Variants in GALNT13 observed in about 807,000 individuals in gnomAD.
GALNT13 encodes UDP-GalNAc:polypeptide N-acetylgalactosaminyltransferase 13.
A neutral mutation model predicts 64.2 loss-of-function variants in GALNT13; 28 were observed. The ratio of observed to expected loss-of-function variants is 0.44; its 90% CI spans 0.32 to 0.60. The LOEUF is 0.60. Among genes scored for constraint, GALNT13 ranks in the 20% least tolerant of loss-of-function variants. The pLI is 0.05. For synonymous variants in GALNT13, 214 were observed against 224.6 expected (o/e 0.95, Z 0.42); for missense variants, 577 against 669.8 (o/e 0.86, Z 1.53).
Position 154,256,207 on chromosome 2 carries a change from C to T in GALNT13, c.858-2814C>T, listed in dbSNP as rs181822631. Among the ~76,000 whole-genome samples the T allele has an allele frequency of 3.3e-5, 5 of 151,438 alleles. No homozygotes were observed. The East Asian group carries it at 9.7e-4, about 29-fold the overall frequency. ...TATTACTTTCCCAGTGTCTTAATAG[C>T]AGAAGTAAATGAAGTGAAAGGTAGA... On this transcript the variant is annotated intron_variant, in intron 7 of 12. Coordinates refer to ENST00000392825, the MANE Select transcript of GALNT13 (RefSeq NM_052917.4).
chr2:153,653,393 T>TC, the GALNT13 span, among the ~76,000 whole-genome samples: 82 of 152,322 alleles, frequency 5.4e-4, no homozygotes, highest in Admixed American at 1.8e-3. Context: ...GGCATGGGCT[T>TC]CCCTGGGAAA....
At chr2:153,631,055 G>T in the GALNT13 span, among the ~76,000 whole-genome samples, 5 of 151,526 alleles carry the variant, frequency 3.3e-5, no homozygotes, top group Admixed American at 3.3e-4. Context: ...GTGAGAATAT[G>T]CAGTGTTTGG....
chr2:153,850,957 C>T, the GALNT13 span, among the ~76,000 whole-genome samples: 1 of 152,100 alleles, frequency 6.6e-6, no homozygotes, highest in East Asian at 1.9e-4. Flanking sequence ...GGTTTCAACA[C>T]CCTTTTTTTC....
chr2:153,997,619 A>G (rs1695607882), intron 3 of GALNT13, among the ~76,000 whole-genome samples: 1 of 152,112 alleles, frequency 6.6e-6, no homozygotes, highest in Non-Finnish European at 1.5e-5. Flanking sequence ...TCATCTGCAA[A>G]CAGGGACAAT....
intron 3 of GALNT13, among the ~76,000 whole-genome samples, chr2:154,020,164 G>A (rs1697342670): frequency 6.6e-6 from 1 of 152,166 alleles, no homozygotes; most frequent in Admixed American, 6.5e-5. Flanking sequence ...AAACATATGT[G>A]TGCATGTGTC....
At chr2:153,482,451 A>G in the GALNT13 span, among the ~76,000 whole-genome samples, 1 of 152,148 alleles carries the variant, frequency 6.6e-6, no homozygotes. Context: ...CAACCATGTA[A>G]TCTTGGGCAT....
the GALNT13 span, among the ~76,000 whole-genome samples, chr2:153,539,607 A>G: frequency 6.6e-6 from 1 of 151,850 alleles, no homozygotes; most frequent in Non-Finnish European, 1.5e-5. Context: ...AGCTTTCTAC[A>G]TATGGCTAGC....
chr2:153,745,807 A>G, the GALNT13 span, among the ~76,000 whole-genome samples: 1 of 152,060 alleles, frequency 6.6e-6, no homozygotes, highest in Admixed American at 6.6e-5. Flanking sequence ...TGCAGCCTGG[A>G]CTTCCTGGAT....
chr2:153,860,609 C>G, the GALNT13 span, among the ~76,000 whole-genome samples: 1 of 152,122 alleles, frequency 6.6e-6, no homozygotes, highest in Non-Finnish European at 1.5e-5. Context: ...TGTTGGGAAG[C>G]CAGTCTTCTC....
chr2:153,102,307 C>G, the GALNT13 span, among the ~76,000 whole-genome samples: 1 of 147,108 alleles, frequency 6.8e-6, no homozygotes, highest in South Asian at 2.1e-4. Context: ...TCCTTTTTTT[C>G]AAATGTATTG....
At chr2:153,713,236 A>ATTATAACAC in the GALNT13 span, among the ~76,000 whole-genome samples, 8 of 152,206 alleles carry the variant, frequency 5.3e-5, no homozygotes, top group African/African-American at 1.7e-4. Context: ...GATAAAATAC[A>ATTATAACAC]TTATAACACT....
In GALNT13 at chr2:154,221,094, C is replaced by T. The variant is rs573121602; in HGVS notation, c.312-20936C>T. Among the ~76,000 whole-genome samples the T allele has an allele frequency of 2.0e-5, 3 of 152,116 alleles. No individual in the cohort carries two copies. The East Asian group carries it at 5.8e-4, about 29-fold the overall frequency. ...TTTTTACCACTTACCAATATATTAA[C>T]CAATTCTTTCCACCTGCCAGAATAT... On this transcript the variant is annotated intron_variant, in intron 4 of 12. Coordinates refer to ENST00000392825, the MANE Select transcript of GALNT13 (RefSeq NM_052917.4).
At chr2:154,290,338 A>G (rs1229018525) in intron 8 of GALNT13, among the ~76,000 whole-genome samples, 1 of 152,210 alleles carries the variant, frequency 6.6e-6, no homozygotes, top group Non-Finnish European at 1.5e-5. Context: ...GCAGAAATTT[A>G]TCTCAAAAGC....
At chr2:153,140,013 C>A in the GALNT13 span, among the ~76,000 whole-genome samples, 1 of 152,064 alleles carries the variant, frequency 6.6e-6, no homozygotes, top group East Asian at 2.0e-4. Context: ...TATTCTCCCA[C>A]CAGCCCTTAA....
At chr2:153,598,709 A>G in the GALNT13 span, among the ~76,000 whole-genome samples, 1 of 152,078 alleles carries the variant, frequency 6.6e-6, no homozygotes, top group Non-Finnish European at 1.5e-5. Flanking sequence ...AAAAAAGACA[A>G]ACTATACAAT....
At chr2:154,360,817 C>T (rs1482581470) in intron 9 of GALNT13, among the ~76,000 whole-genome samples, 1 of 151,906 alleles carries the variant, frequency 6.6e-6, no homozygotes, top group Non-Finnish European at 1.5e-5. Context: ...AGCTCTCAGG[C>T]AATTTAAGTC....
At chr2:153,303,126 T>C in the GALNT13 span, among the ~76,000 whole-genome samples, 1 of 152,220 alleles carries the variant, frequency 6.6e-6, no homozygotes, top group Non-Finnish European at 1.5e-5. Flanking sequence ...TAGACTTCTT[T>C]GGGTAATATG....
At chr2:153,667,540 A>G in the GALNT13 span, among the ~76,000 whole-genome samples, 3 of 152,232 alleles carry the variant, frequency 2.0e-5, no homozygotes, top group African/African-American at 7.2e-5. Context: ...TTCATAAGCT[A>G]AGGAGAAATA....
the GALNT13 span, among the ~76,000 whole-genome samples, chr2:153,456,228 G>A: frequency 6.6e-6 from 1 of 152,184 alleles, no homozygotes; most frequent in Admixed American, 6.5e-5. Context: ...TGAGGGTGGA[G>A]TTTCTCCAGG....
Sources: allele counts gnomAD v4.1 joint callset (sites outside exome capture counted in the v4.1 genomes callset), GRCh38; gene constraint gnomAD v4.1.1; transcripts MANE v1.5; gene names NCBI Gene and HGNC (gene_info 2026-07-23, HGNC 2026-07-21).